Variants in GRM7 observed in about 807,000 individuals in gnomAD.
GRM7 encodes glutamate metabotropic receptor 7.
A neutral mutation model predicts 84.5 loss-of-function variants in GRM7; 35 were observed. The observed-to-expected ratio is 0.41, with a 90% CI of 0.32 to 0.55. GRM7 has a LOEUF of 0.55. Ranked by LOEUF, GRM7 falls within the 20% of genes least tolerant of loss-of-function variation. The pLI is 0.19. For synonymous variants in GRM7, 487 were observed against 455.1 expected, an observed-to-expected ratio of 1.07 and a Z score of -0.89; for missense variants, 1,003 against 1,194.6, an observed-to-expected ratio of 0.84 and a Z score of 2.36.
intron 2 of GRM7, among the ~76,000 whole-genome samples, chr3:7,284,636 G>A (rs1209441110): frequency 1.3e-5 from 2 of 151,948 alleles, no homozygotes; most frequent in Admixed American, 6.6e-5. Context: ...TTTATCATGA[G>A]GGAGTTAAAT....
At chr3:6,874,238 AT>A (rs1695225711) in intron 1 of GRM7, among the ~76,000 whole-genome samples, 1 of 152,246 alleles carries the variant, frequency 6.6e-6, no homozygotes, top group African/African-American at 2.4e-5. Flanking sequence ...ATAACTGCTT[AT>A]AATAACTCAT....
At chr3:7,324,881 A>G (rs1454818581) in intron 4 of GRM7, among the ~76,000 whole-genome samples, 1 of 152,144 alleles carries the variant, frequency 6.6e-6, no homozygotes, top group Non-Finnish European at 1.5e-5. Context: ...TTGGCCCAGC[A>G]CCTGTAGAAT....
rs114419968 is a variant in GRM7, at chr3:6,877,004, C to T, written c.519+15097C>T. Reference sequence around the variant, plus strand: ...TTGTAATGAAGTCTTTGTCTGATTGCAAGCTTACAGGAGGTGAGGAGTGTG... The same window carrying T: ...TTGTAATGAAGTCTTTGTCTGATTGTAAGCTTACAGGAGGTGAGGAGTGTG... On this transcript the variant is annotated intron_variant, in intron 1 of 9. Coordinates refer to ENST00000357716, the MANE Select transcript of GRM7 (RefSeq NM_000844.4). 1.3e-3 allele frequency among the ~76,000 whole-genome samples: 204 copies of T among 152,274 alleles called. 1 individual carries two copies. Among genetic ancestry groups the T allele is most frequent in the African/African-American group, 4.5e-3 (187 of 41,566 alleles).
intron 4 of GRM7, among the ~76,000 whole-genome samples, chr3:7,375,513 C>T (rs1479945534): frequency 5.9e-5 from 9 of 152,074 alleles, no homozygotes; most frequent in Non-Finnish European, 8.8e-5. Flanking sequence ...CCACCGTGCC[C>T]GGCCCCCTTC....
chr3:7,052,334 T>C (rs986172229), intron 1 of GRM7, among the ~76,000 whole-genome samples: 6 of 151,704 alleles, frequency 4.0e-5, no homozygotes, highest in Non-Finnish European at 8.9e-5. Flanking sequence ...ATTGCCCAAA[T>C]CTAAGCATTT....
chr3:7,265,522 G>C (rs1398967269), intron 2 of GRM7, among the ~76,000 whole-genome samples: 1 of 152,176 alleles, frequency 6.6e-6, no homozygotes, highest in Non-Finnish European at 1.5e-5. Flanking sequence ...TGATGTCACA[G>C]TTCTGTCATC....
intron 2 of GRM7, among the ~76,000 whole-genome samples, chr3:7,224,389 G>T (rs1362841650): frequency 4.6e-5 from 7 of 152,116 alleles, no homozygotes; most frequent in Non-Finnish European, 1.0e-4. Flanking sequence ...ATGAGAAACC[G>T]CCCCCAGGAT....
intron 4 of GRM7, among the ~76,000 whole-genome samples, chr3:7,374,948 C>A (rs1575239614): frequency 6.6e-6 from 1 of 152,158 alleles, no homozygotes; most frequent in East Asian, 1.9e-4. Flanking sequence ...TAGGATGTTG[C>A]CAAACTCTGA....
chr3:7,408,912 T>C (rs1695795847), intron 4 of GRM7, among the ~76,000 whole-genome samples: 1 of 152,226 alleles, frequency 6.6e-6, no homozygotes, highest in African/African-American at 2.4e-5. Flanking sequence ...AACTTGATCA[T>C]TTTCCAAATA....
At chr3:7,552,989 T>C (rs1693562867) in intron 7 of GRM7, among the ~76,000 whole-genome samples, 1 of 152,232 alleles carries the variant, frequency 6.6e-6, no homozygotes, top group South Asian at 2.1e-4. Context: ...TTTTATGCTC[T>C]ACTTCCCTTT....
chr3:6,988,471 T>C (rs1384391192), intron 1 of GRM7, among the ~76,000 whole-genome samples: 1 of 152,180 alleles, frequency 6.6e-6, no homozygotes, highest in Non-Finnish European at 1.5e-5. Flanking sequence ...GTAATGCATT[T>C]GCTTTTCTAC....
Position 7,296,181 on chromosome 3 carries a change from AAAT to A in GRM7, c.737-2496_737-2494del, listed in dbSNP as rs771510186. On this transcript the variant is annotated intron_variant, in intron 2 of 9. Transcript: ENST00000357716. ...TTTCTTTTTTAGTCTGACAATATGT[AAAT>A]AATAATGATTGATTTTTCAAATAAT... is the stretch of plus-strand genomic sequence containing the variant. Among the ~76,000 whole-genome samples, 20 of 152,170 alleles carry A rather than the reference AAAT, an allele frequency of 1.3e-4. No individual in the cohort carries two copies. The East Asian group carries it at 1.4e-3, about 10-fold the overall frequency.
chr3:6,959,166 C>G (rs145400435), intron 1 of GRM7, among the ~76,000 whole-genome samples: 7 of 152,238 alleles, frequency 4.6e-5, no homozygotes, highest in African/African-American at 1.7e-4. Flanking sequence ...CACATAATGA[C>G]CCTATGAAGT....
At chr3:7,143,256 A>G (rs1694007254) in intron 1 of GRM7, among the ~76,000 whole-genome samples, 1 of 152,198 alleles carries the variant, frequency 6.6e-6, no homozygotes, top group Non-Finnish European at 1.5e-5. Flanking sequence ...CTTGAAAGCA[A>G]GTAACTAAAC....
intron 7 of GRM7, among the ~76,000 whole-genome samples, chr3:7,514,647 A>G (rs1700314852): frequency 6.6e-6 from 1 of 152,190 alleles, no homozygotes. Flanking sequence ...AGTCTCTTAA[A>G]GCTCATGGGC....
rs557648552 is a variant in GRM7, at chr3:7,174,243, G to A, written c.736+27575G>A. Among the ~76,000 whole-genome samples the A allele has an allele frequency of 1.1e-4, 17 of 152,274 alleles. No individual in the cohort carries two copies. The East Asian group carries it at 1.7e-3, about 16-fold the overall frequency. On this transcript the variant is annotated intron_variant, in intron 2 of 9. Transcript: ENST00000357716. Reference sequence around the variant, plus strand: ...TCATTTGAATACAGATTAGAAGATCGTGAGTATCAGAAGATAATTTTGAAT... The same window carrying A: ...TCATTTGAATACAGATTAGAAGATCATGAGTATCAGAAGATAATTTTGAAT...
At chr3:7,254,044 G>T (rs1698108626) in intron 2 of GRM7, among the ~76,000 whole-genome samples, 1 of 152,170 alleles carries the variant, frequency 6.6e-6, no homozygotes, top group Non-Finnish European at 1.5e-5. Context: ...GACTAGAAGT[G>T]CAAGGAGAGG....
chr3:7,114,524 A>T (rs1316030984), intron 1 of GRM7, among the ~76,000 whole-genome samples: 1 of 152,206 alleles, frequency 6.6e-6, no homozygotes, highest in Non-Finnish European at 1.5e-5. Flanking sequence ...AAACATGCAC[A>T]TCTGGAAAAT....
At chr3:7,243,199 A>C (rs1342674763) in intron 2 of GRM7, among the ~76,000 whole-genome samples, 2 of 152,266 alleles carry the variant, frequency 1.3e-5, no homozygotes, top group African/African-American at 4.8e-5. Context: ...GGTATATTCC[A>C]TAATATACCA....
Sources: allele counts gnomAD v4.1 joint callset (sites outside exome capture counted in the v4.1 genomes callset), GRCh38; gene constraint gnomAD v4.1.1; transcripts MANE v1.5; gene names NCBI Gene and HGNC (gene_info 2026-07-23, HGNC 2026-07-21).